The following USP54 variants were observed in gnomAD, a reference collection of about 807,000 sequenced individuals.
USP54 encodes the protein ubiquitin carboxyl-terminal hydrolase 54.
USP54 carries 87 observed loss-of-function variants against 170.5 expected under a neutral mutation model. The observed-to-expected ratio is 0.51, with a 90% CI of 0.43 to 0.61. USP54 has a LOEUF of 0.61. USP54 is among the 20% of genes least tolerant of loss of function. USP54 has a pLI of 0.00. For missense variants in USP54, 1,786 were observed against 2,047.8 expected (o/e 0.87, Z 2.47); for synonymous variants, 655 against 742.8 (o/e 0.88, Z 1.92).
chr10:73,522,629 C>T (rs577765000), intron 17 of USP54, among the ~76,000 whole-genome samples: 2 of 152,298 alleles, frequency 1.3e-5, no homozygotes, highest in Admixed American at 1.3e-4. Flanking sequence ...GGAAAAAAGA[C>T]TATCCAAATA....
At position 73,541,392 on chromosome 10, in the gene USP54, A is replaced by G; in HGVS notation, c.808T>C (p.Cys270Arg). The part of the protein sequence containing the change: ...AEDVIHSLGT[C>R]LKLGDLFFRV... Reference sequence around the variant, plus strand: ...ACACGCACATCACCCAGCTTAAGGCAGGTTCCCAGGCTGTGGATAACATCT... The same window carrying G: ...ACACGCACATCACCCAGCTTAAGGCGGGTTCCCAGGCTGTGGATAACATCT... The change falls in exon 9 of 24, where the codon TGC (cysteine) becomes CGC (arginine). Residue 270 changes from cysteine to arginine, a missense_variant. By Grantham distance (180) the Cys-to-Arg change is radical (BLOSUM62 -3). Coordinates refer to ENST00000687698, the MANE Select transcript of USP54 (RefSeq NM_001391956.1). The G allele has an allele frequency of 6.2e-7, 1 of 1,614,166 alleles. No homozygotes were observed. Among genetic ancestry groups the G allele is most frequent in the East Asian group, 2.2e-5 (1 of 44,884 alleles).
chr10:73,588,513 C>T (rs531583279), intron 1 of USP54, among the ~76,000 whole-genome samples: 2 of 152,218 alleles, frequency 1.3e-5, no homozygotes, highest in Non-Finnish European at 2.9e-5. Context: ...CGTGAGCCAC[C>T]GCGCCCAGCC....
At chr10:73,596,569 T>C (rs1306141949) in intron 1 of USP54, among the ~76,000 whole-genome samples, 1 of 147,102 alleles carries the variant, frequency 6.8e-6, no homozygotes, top group Non-Finnish European at 1.5e-5. Context: ...AAAAAAAAAA[T>C]CAGCCAGGCA....
At chr10:73,527,834 T>C (rs1468334432) in intron 15 of USP54, among the ~76,000 whole-genome samples, 1 of 59,046 alleles carries the variant, frequency 1.7e-5, no homozygotes, top group Non-Finnish European at 3.1e-5. Context: ...ACCCCATCGA[T>C]ACCAAAAAAA....
intron 1 of USP54, among the ~76,000 whole-genome samples, chr10:73,599,074 G>A (rs1054424425): frequency 6.6e-5 from 10 of 152,220 alleles, no homozygotes; most frequent in Non-Finnish European, 1.5e-4. Flanking sequence ...GCAAGACTCC[G>A]TCTCAAAAAA....
chr10:73,625,095 T>C (rs188819459), intron 1 of USP54, among the ~76,000 whole-genome samples: 6 of 152,266 alleles, frequency 3.9e-5, no homozygotes, highest in East Asian at 3.9e-4. Context: ...CGTAAAGAAA[T>C]TGTACACTTG....
chr10:73,579,215 C>T (rs1447208997), intron 1 of USP54, among the ~76,000 whole-genome samples: 1 of 151,468 alleles, frequency 6.6e-6, no homozygotes, highest in African/African-American at 2.4e-5. Flanking sequence ...CCTCCCACAG[C>T]GCTGGGATTA....
At chr10:73,501,080 C>T (rs1357330451) in intron 22 of USP54, among the ~76,000 whole-genome samples, 1 of 152,118 alleles carries the variant, frequency 6.6e-6, no homozygotes, top group Non-Finnish European at 1.5e-5. Flanking sequence ...CCTCACCTTC[C>T]CAACCCTATC....
At chr10:73,539,647 T>C (rs2066141563) in intron 9 of USP54, 54 bp from the exon 10 acceptor site, 3 of 1,531,542 alleles carry the variant, frequency 2.0e-6, no homozygotes, top group Non-Finnish European at 2.7e-6. Flanking sequence ...CCATTCCACA[T>C]CATCTCTCAG....
At chr10:73,592,772 C>G (rs1426124809), upstream of USP54, among the ~76,000 whole-genome samples, 1 of 152,170 alleles carries the variant, frequency 6.6e-6, no homozygotes, top group Non-Finnish European at 1.5e-5. Context: ...GACAACATTA[C>G]TTTTCATGTC....
intron 4 of USP54, among the ~76,000 whole-genome samples, chr10:73,567,489 G>A (rs1001353677): frequency 1.3e-5 from 2 of 152,062 alleles, no homozygotes; most frequent in Non-Finnish European, 2.9e-5. Flanking sequence ...TGGCCAACAT[G>A]GTGAAACTCT....
chr10:73,550,538 T>TG, intron 4 of USP54, among the ~76,000 whole-genome samples: 1 of 152,342 alleles, frequency 6.6e-6, no homozygotes, highest in South Asian at 2.1e-4. Context: ...ATTCCAATAT[T>TG]GAGAATATAA....
chr10:73,574,078 G>A (rs1480399766), intron 3 of USP54, among the ~76,000 whole-genome samples: 1 of 152,186 alleles, frequency 6.6e-6, no homozygotes, highest in East Asian at 1.9e-4. Context: ...ACACTGAAGA[G>A]CAGAAAAGAA....
rs115580523 is a variant in USP54, at chr10:73,516,860, G to C, written c.3566C>G (p.Ser1189Cys). 8.7e-5 allele frequency: 141 copies of C among 1,614,280 alleles called. 1 individual carries two copies. The African/African-American group carries it at 1.7e-3, about 19-fold the overall frequency. The change falls in exon 20 of 24, where the codon TCT becomes TGT. Residue 1189 changes from serine (S) to cysteine (C), a missense_variant. Physicochemically the swap from Ser to Cys is moderately radical, Grantham distance 112. This residue lies in a region of USP54 where 1,418 missense variants were observed against 1,569.0 expected (regional missense o/e 0.90). Transcript: ENST00000687698. ...GHWPWAKQQS[S>C]LEGGDRPLSW... is the part of the protein sequence containing the mutation. ...AAGTGGTCTATCCCCACCCTCCAGA[G>C]AGGATTGTTGCTTTGCCCATGGCCA...
chr10:73,603,545 T>A (rs2079367990), intron 1 of USP54, among the ~76,000 whole-genome samples: 1 of 151,948 alleles, frequency 6.6e-6, no homozygotes, highest in Non-Finnish European at 1.5e-5. Flanking sequence ...CGAAACCCCA[T>A]CTCTACTAAA....
rs141609993 is a variant in USP54 at position 73,511,173 on chromosome 10, A to T, written c.4051+5202T>A. Among the ~76,000 whole-genome samples the T allele has an allele frequency of 4.1e-3, 582 of 142,680 alleles. 3 individuals carry two copies. The highest frequency in any genetic ancestry group is 0.014 in the African/African-American group (536 of 37,916). 93.6% of individuals were successfully genotyped at this position (142,680 alleles called of 152,430 possible). On this transcript the variant is annotated intron_variant, in intron 20 of 23. Coordinates refer to ENST00000687698, the MANE Select transcript of USP54 (RefSeq NM_001391956.1). ...AAGTGCAGCGGCACAATCTCAGCTC[A>T]CTGCAACCTCTGCCTCCTGGGTTCA...
At chr10:73,559,058 T>C (rs950411850) in intron 4 of USP54, among the ~76,000 whole-genome samples, 1 of 152,200 alleles carries the variant, frequency 6.6e-6, no homozygotes, top group Non-Finnish European at 1.5e-5. Flanking sequence ...CCCGTGTTGT[T>C]CAACGGTTAA....
intron 1 of USP54, among the ~76,000 whole-genome samples, chr10:73,617,479 AAAT>A (rs1341423969): frequency 6.7e-6 from 1 of 149,968 alleles, no homozygotes; most frequent in Non-Finnish European, 1.5e-5. Context: ...TAAAAATAAA[AAAT>A]AATAATAAAT....
intron 1 of USP54, among the ~76,000 whole-genome samples, chr10:73,599,802 T>G (rs1233510053): frequency 2.0e-5 from 3 of 151,578 alleles, no homozygotes; most frequent in African/African-American, 7.3e-5. Context: ...TATACCACTA[T>G]CCCATTTTAC....
Sources: gnomAD v4.1 joint callset for allele counts (sites outside exome capture counted in the v4.1 genomes callset) on GRCh38, gnomAD v4.1.1 for gene constraint, gnomAD v4.1.1 regional missense constraint, MANE v1.5 for transcripts, NCBI Gene and HGNC (gene_info 2026-07-23, HGNC 2026-07-21) for gene names.